Variants in XPR1 observed in about 807,000 individuals in gnomAD.
XPR1 encodes solute carrier family 53 member 1.
A neutral mutation model predicts 87.5 loss-of-function variants in XPR1; 28 were observed. The observed-to-expected ratio is 0.32, with a 90% confidence interval of 0.24 to 0.44. The LOEUF is 0.44. Ranked by LOEUF, XPR1 falls within the 20% of genes least tolerant of loss-of-function variation. XPR1 has a pLI of 1.00. For synonymous variants in XPR1, 300 were observed against 306.1 expected (o/e 0.98, Z 0.21); for missense variants, 559 against 862.3 (o/e 0.65, Z 4.41).
chr1:180,855,778 C>G (rs1011602775), intron 11 of XPR1, among the ~76,000 whole-genome samples: 5 of 152,100 alleles, frequency 3.3e-5, no homozygotes, highest in Non-Finnish European at 7.4e-5. Flanking sequence ...TTGTCTCCTA[C>G]TAGCTTAAGA....
At chr1:180,765,341 C>A (rs536311424) in intron 2 of XPR1, among the ~76,000 whole-genome samples, 1 of 152,186 alleles carries the variant, frequency 6.6e-6, no homozygotes, top group Non-Finnish European at 1.5e-5. Context: ...AATCTTCTTA[C>A]TAACTTGCTC....
At chr1:180,796,934 T>C (rs2102106741) in intron 3 of XPR1, among the ~76,000 whole-genome samples, 2 of 152,306 alleles carry the variant, frequency 1.3e-5, no homozygotes, top group Admixed American at 1.3e-4. Context: ...ATTGTATGAT[T>C]CTTTTACATG....
intron 2 of XPR1, among the ~76,000 whole-genome samples, chr1:180,698,128 A>G (rs1164043756): frequency 6.6e-6 from 1 of 152,138 alleles, no homozygotes; most frequent in African/African-American, 2.4e-5. Flanking sequence ...TGTTGGGTAC[A>G]TACATGTTTA....
chr1:180,660,953 C>G (rs1332797482), intron 1 of XPR1, among the ~76,000 whole-genome samples: 1 of 152,104 alleles, frequency 6.6e-6, no homozygotes, highest in Non-Finnish European at 1.5e-5. Flanking sequence ...GTGTTGAGAT[C>G]TCCAGTTCTT....
At chr1:180,846,857 A>G (rs1447558023) in intron 11 of XPR1, among the ~76,000 whole-genome samples, 1 of 129,000 alleles carries the variant, frequency 7.8e-6, no homozygotes, top group Non-Finnish European at 1.6e-5. Flanking sequence ...TTCACATAGT[A>G]AAAAAAAAAA....
chr1:180,706,172 G>T (rs973187413), intron 2 of XPR1, among the ~76,000 whole-genome samples: 1 of 152,230 alleles, frequency 6.6e-6, no homozygotes, highest in Admixed American at 6.5e-5. Flanking sequence ...TGGTAGACTA[G>T]TGTATTCTAA....
chr1:180,710,735 G>T (rs1447468417), intron 2 of XPR1, among the ~76,000 whole-genome samples: 4 of 152,234 alleles, frequency 2.6e-5, no homozygotes, highest in African/African-American at 9.6e-5. Flanking sequence ...AGATGGGGTG[G>T]CGGCTGGGCA....
At chr1:180,854,248 G>A (rs1651964579) in intron 11 of XPR1, among the ~76,000 whole-genome samples, 1 of 152,224 alleles carries the variant, frequency 6.6e-6, no homozygotes, top group Non-Finnish European at 1.5e-5. Context: ...TGCAGGTCAG[G>A]AAACTAAGCT....
chr1:180,817,250 A>G (rs1020563766), intron 7 of XPR1, among the ~76,000 whole-genome samples: 1 of 152,186 alleles, frequency 6.6e-6, no homozygotes, highest in Non-Finnish European at 1.5e-5. Context: ...TTAAGTTTAT[A>G]AAGTTAAAAA....
intron 11 of XPR1, among the ~76,000 whole-genome samples, chr1:180,853,667 A>ACACACACACACACACC (rs1283931843): frequency 1.5e-5 from 2 of 133,078 alleles, no homozygotes; most frequent in Admixed American, 7.8e-5. Flanking sequence ...ACACACACAC[A>ACACACACACACACACC]CCCTACCTCT....
At chr1:180,681,624 C>T (rs1158692139) in intron 1 of XPR1, among the ~76,000 whole-genome samples, 2 of 152,166 alleles carry the variant, frequency 1.3e-5, no homozygotes, top group East Asian at 3.9e-4. Context: ...CCAGCCTGGG[C>T]GACAGAGCAA....
chr1:180,655,929 C>T (rs1341369499), intron 1 of XPR1, among the ~76,000 whole-genome samples: 2 of 151,988 alleles, frequency 1.3e-5, no homozygotes, highest in Admixed American at 6.6e-5. Flanking sequence ...AGGTATTCCT[C>T]ACTTCAAACA....
chr1:180,655,593 T>A (rs78155934), intron 1 of XPR1, among the ~76,000 whole-genome samples: 1,916 of 152,174 alleles, frequency 0.013, 30 homozygotes, highest in African/African-American at 0.044. Context: ...TATACAATTT[T>A]AAAAAATTTT....
chr1:180,716,509 T>C (rs1479257717), intron 2 of XPR1, among the ~76,000 whole-genome samples: 1 of 152,242 alleles, frequency 6.6e-6, no homozygotes, highest in Non-Finnish European at 1.5e-5. Flanking sequence ...CTCTTTATTA[T>C]TTCCTTGCTC....
At chr1:180,669,656 A>G (rs955365824) in intron 1 of XPR1, among the ~76,000 whole-genome samples, 3 of 152,124 alleles carry the variant, frequency 2.0e-5, no homozygotes, top group Non-Finnish European at 4.4e-5. Flanking sequence ...GCCACTGCGT[A>G]TAAATGTTTA....
rs1272657062 is a variant in XPR1 at position 180,632,114 on chromosome 1, G to A, written c.-88G>A. On this transcript the variant is annotated 5_prime_UTR_variant, in exon 1 of 15. Coordinates refer to ENST00000367590, the MANE Select transcript of XPR1 (RefSeq NM_004736.4). ...AGAAGCGCAGCGCCGCGCCGCGCCG[G>A]GGCCCATGTGGGGAGGAGTCGGAGT... 11 of 1,484,494 alleles carry A rather than the reference G, an allele frequency of 7.4e-6. 1 individual carries two copies. Among genetic ancestry groups the A allele is most frequent in the African/African-American group, 1.4e-5 (1 of 71,896 alleles). 92.0% of individuals were successfully genotyped at this position (1,484,494 alleles called of 1,614,324 possible).
intron 11 of XPR1, among the ~76,000 whole-genome samples, chr1:180,856,369 G>C (rs569227162): frequency 6.6e-6 from 1 of 151,672 alleles, no homozygotes; most frequent in East Asian, 1.9e-4. Context: ...TCCCCTTATA[G>C]ATGGAAGACT....
intron 1 of XPR1, among the ~76,000 whole-genome samples, chr1:180,642,834 TGCAGAGG>T (rs1655001730): frequency 6.6e-6 from 1 of 152,138 alleles, no homozygotes; most frequent in East Asian, 1.9e-4. Context: ...TGGAAGGATC[TGCAGAGG>T]TGGTGTTTGA....
chr1:180,683,665 G>A (rs1328469641), intron 2 of XPR1, among the ~76,000 whole-genome samples: 1 of 152,086 alleles, frequency 6.6e-6, no homozygotes, highest in African/African-American at 2.4e-5. Context: ...ATTCTAACTG[G>A]TGTGAGATGG....
Sources: gnomAD v4.1 joint callset for allele counts (sites outside exome capture counted in the v4.1 genomes callset) on GRCh38, gnomAD v4.1.1 for gene constraint, MANE v1.5 for transcripts, NCBI Gene and HGNC (gene_info 2026-07-23, HGNC 2026-07-21) for gene names.